Variants in GMCL1 observed in about 807,000 individuals in gnomAD.
The protein encoded by GMCL1 is germ cell-less 1, spermatogenesis associated.
A neutral mutation model predicts 75.5 loss-of-function variants in GMCL1; 54 were observed. The ratio of observed to expected loss-of-function variants is 0.71; its 90% CI spans 0.57 to 0.90. GMCL1 has a LOEUF of 0.90. Among genes scored for constraint, GMCL1 ranks in the 40% least tolerant of loss-of-function variants. The probability of loss-of-function intolerance (pLI) is 0.00; values close to 1 mark genes in which losing one functional copy is unlikely to be tolerated. For missense variants in GMCL1, 537 were observed against 622.7 expected (o/e 0.86, Z 1.47); for synonymous variants, 210 against 209.6 (o/e 1.00, Z -0.02).
At position 69,843,197 on chromosome 2, in the gene GMCL1, G is replaced by A; in HGVS notation, c.628G>A (p.Val210Met). 6.2e-7 allele frequency: 1 copy of A among 1,612,496 alleles called. No homozygotes were observed. Among genetic ancestry groups the A allele is most frequent in the South Asian group, 1.1e-5 (1 of 91,050 alleles). The change falls in exon 5 of 14, where the codon GTG becomes ATG. Residue 210 changes from valine to methionine, a missense_variant. Transcript: ENST00000282570. ...CGETMKETVNVKTVCGYYTSA... is the reference protein window; with the variant it reads ...CGETMKETVNMKTVCGYYTSA... ...TGAGACAATGAAGGAAACAGTTAAT[G>A]TGAAAACTGTATGTGGCTATTACAC...
At chr2:69,842,065 A>G (rs1302345457) in intron 4 of GMCL1, among the ~76,000 whole-genome samples, 2 of 152,244 alleles carry the variant, frequency 1.3e-5, no homozygotes, top group East Asian at 3.8e-4. Context: ...TACTTCAGTA[A>G]CAATGTGACA....
intron 8 of GMCL1, among the ~76,000 whole-genome samples, chr2:69,852,267 A>G (rs1481328503): frequency 6.6e-6 from 1 of 152,200 alleles, no homozygotes; most frequent in Admixed American, 6.5e-5. Context: ...AGTGGCAGAA[A>G]CTAGAGAAGC....
At chr2:69,836,721 G>GT (rs1338074946) in intron 1 of GMCL1, among the ~76,000 whole-genome samples, 1 of 152,154 alleles carries the variant, frequency 6.6e-6, no homozygotes, top group African/African-American at 2.4e-5. Flanking sequence ...CCTTTTCTTA[G>GT]TTACTGGATC....
rs527556189 is a variant in GMCL1, at chr2:69,830,131, G to C, written c.239G>C (p.Arg80Pro). ...GAGGAGGAGGGGGACGAGCAGCAGC[G>C]GCTCCTCAACACCCCTCGAAGGTAC... ...EDEEEGDEQQ[R>P]LLNTPRRKKL... The change falls in exon 1 of 14, where the codon CGG becomes CCG. Residue 80 changes from arginine (R) to proline (P), a missense_variant. Physicochemically the swap from Arg to Pro is moderately radical, Grantham distance 103. Coordinates refer to ENST00000282570, the MANE Select transcript of GMCL1 (RefSeq NM_178439.5). 2.5e-6 allele frequency: 4 copies of C among 1,571,960 alleles called. No homozygotes were observed. Among genetic ancestry groups the C allele is most frequent in the African/African-American group, 1.3e-5 (1 of 74,296 alleles).
chr2:69,873,708 T>A (rs929876563), intron 13 of GMCL1: 4 of 167,832 alleles, frequency 2.4e-5, no homozygotes, highest in African/African-American at 9.6e-5. Context: ...GCCTGTTTGA[T>A]CTTATGCTTT....
At chr2:69,835,495 A>G (rs1170788079) in intron 1 of GMCL1, among the ~76,000 whole-genome samples, 7 of 151,592 alleles carry the variant, frequency 4.6e-5, no homozygotes, top group Non-Finnish European at 8.8e-5. Flanking sequence ...TTGTCCACTT[A>G]TATTTAAGAA....
At chr2:69,837,461 A>G in intron 1 of GMCL1, 86 bp from the exon 2 acceptor site, 2 of 1,045,688 alleles carry the variant, frequency 1.9e-6, no homozygotes, top group Non-Finnish European at 2.7e-6. Context: ...TAGAAATTGA[A>G]TAAAAGGAGT....
intron 13 of GMCL1, among the ~76,000 whole-genome samples, chr2:69,875,926 G>T (rs983935080): frequency 1.9e-4 from 29 of 152,216 alleles, no homozygotes; most frequent in African/African-American, 6.7e-4. Context: ...TCCTGACCTC[G>T]TGATCCGCCC....
chr2:69,829,914 G>A lies in GMCL1; in HGVS notation c.22G>A (p.Val8Met). ...ACCCATGGGATCGTTGAGCAGCCGG[G>A]TGCTGCGCCAGCCAAGACCAGCCCT... MGSLSSR[V>M]LRQPRPALAQ... Residue 8 changes from valine to methionine, a missense_variant, in exon 1 of 14, where the codon GTG becomes ATG. By Grantham distance (21) the Val-to-Met change is conservative. This residue lies in a region of GMCL1 where 144 missense variants were observed against 127.2 expected (regional missense o/e 1.13). Transcript: ENST00000282570. The A allele has an allele frequency of 6.2e-7, 1 of 1,603,588 alleles. No individual in the cohort carries two copies. Among genetic ancestry groups the A allele is most frequent in the Non-Finnish European group, 8.5e-7 (1 of 1,175,354 alleles).
At chr2:69,834,568 C>CT (rs1573338897) in intron 1 of GMCL1, among the ~76,000 whole-genome samples, 1 of 152,138 alleles carries the variant, frequency 6.6e-6, no homozygotes, top group East Asian at 1.9e-4. Flanking sequence ...GTCTTCAGGC[C>CT]TACAGTCTTG....
chr2:69,868,903 C>G (rs1351901813), intron 11 of GMCL1, among the ~76,000 whole-genome samples: 2 of 149,468 alleles, frequency 1.3e-5, no homozygotes, highest in East Asian at 4.1e-4. Flanking sequence ...ATCACAAGGT[C>G]AGCAGTTCAA....
chr2:69,849,557 C>A, intron 7 of GMCL1, 95 bp from the exon 8 acceptor site: 1 of 713,748 alleles, frequency 1.4e-6, no homozygotes, highest in Non-Finnish European at 2.2e-6. Context: ...AATTTTTTAG[C>A]TATTATATTT....
At chr2:69,845,157 C>T (rs1675101035) in intron 6 of GMCL1, among the ~76,000 whole-genome samples, 1 of 152,198 alleles carries the variant, frequency 6.6e-6, no homozygotes, top group South Asian at 2.1e-4. Context: ...CACAGGGTCC[C>T]ATGCAGGCTT....
intron 4 of GMCL1, 51 bp downstream of exon 4, chr2:69,841,090 C>A: frequency 7.5e-7 from 1 of 1,334,720 alleles, no homozygotes; most frequent in Non-Finnish European, 1.1e-6. Context: ...ATCTTTGTCT[C>A]AAAGTGTGTA....
chr2:69,861,381 A>G (rs373008546), intron 10 of GMCL1, 34 bp downstream of exon 10: 48 of 1,400,456 alleles, frequency 3.4e-5, no homozygotes, highest in Non-Finnish European at 4.6e-5. Flanking sequence ...TTTTCATTAA[A>G]AAAATTTGCT....
At chr2:69,846,999 ATTT>A (rs563722124) in intron 6 of GMCL1, among the ~76,000 whole-genome samples, 8 of 133,004 alleles carry the variant, frequency 6.0e-5, no homozygotes, top group Admixed American at 7.6e-5. Flanking sequence ...TGATTGGCTA[ATTT>A]TTTTTTTTTT....
rs757991261 is a variant in GMCL1, at chr2:69,866,184, G to A, written c.1218+1209G>A. Among the ~76,000 whole-genome samples the A allele has an allele frequency of 7.9e-5, 12 of 151,474 alleles. No homozygotes were observed. In the South Asian group the frequency reaches 1.7e-3, roughly 21 times the overall value. ...GATTGCTTGAACTCGTAAGGCAGAC[G>A]TTGCAGTGAGTCAAGATTGTGACAC... On this transcript the variant is annotated intron_variant, in intron 11 of 13. Coordinates refer to ENST00000282570, the MANE Select transcript of GMCL1 (RefSeq NM_178439.5).
At chr2:69,843,019 T>A (rs141278260) in intron 4 of GMCL1, 130 bp from the exon 5 acceptor site, 3 of 362,438 alleles carry the variant, frequency 8.3e-6, no homozygotes, top group Non-Finnish European at 1.5e-5. Flanking sequence ...TTAGGTTTGC[T>A]GCACTTAATG....
rs1171227225 is a variant in GMCL1 at position 69,854,884 on chromosome 2, A to G, written c.996A>G (p.Arg332=). 6.2e-7 allele frequency: 1 copy of G among 1,611,274 alleles called. No homozygotes were observed. Among genetic ancestry groups the G allele is most frequent in the Non-Finnish European group, 8.5e-7 (1 of 1,178,098 alleles). The change falls in exon 9 of 14, where the codon AGA becomes AGG. Residue 332 remains arginine (R), a synonymous_variant. Coordinates refer to ENST00000282570, the MANE Select transcript of GMCL1 (RefSeq NM_178439.5). ...GAAAACCATTTGTGTCAGTATTCAG[A>G]CATTTAAGGTTACAATATATTATCA... is the stretch of plus-strand genomic sequence containing the variant. ...EQGKPFVSVF[R]HLRLQYIISD... is the part of the protein sequence containing the mutation.
Sources: allele counts gnomAD v4.1 joint callset (sites outside exome capture counted in the v4.1 genomes callset), GRCh38; gene constraint gnomAD v4.1.1; regional missense constraint gnomAD v4.1.1; transcripts MANE v1.5; gene names NCBI Gene and HGNC (gene_info 2026-07-23, HGNC 2026-07-21).